SPECC1: variants seen among roughly 807,000 people sequenced by gnomAD.
The protein encoded by SPECC1 is sperm antigen with calponin homology and coiled-coil domains 1.
Under a neutral mutation model 104.1 loss-of-function variants are expected in SPECC1, and 62 were observed. The observed-to-expected ratio is 0.60, with a 90% CI of 0.49 to 0.74. SPECC1 has a LOEUF of 0.74. Among genes scored for constraint, SPECC1 ranks in the 30% least tolerant of loss-of-function variants. SPECC1 has a pLI of 0.00. For missense variants in SPECC1, 1,306 were observed against 1,310.5 expected, an observed-to-expected ratio of 1.00 and a Z score of 0.05; for synonymous variants, 513 against 501.6, an observed-to-expected ratio of 1.02 and a Z score of -0.30.
intron 3 of SPECC1, chr17:20,113,105 A>C (rs1208108886): frequency 5.9e-6 from 4 of 675,328 alleles, no homozygotes; most frequent in African/African-American, 5.4e-5. Context: ...GTTAAAAAAA[A>C]ATTTAGAGGA....
chr17:20,210,781 G>T (rs2037091367), intron 4 of SPECC1, among the ~76,000 whole-genome samples: 1 of 152,098 alleles, frequency 6.6e-6, no homozygotes, highest in Non-Finnish European at 1.5e-5. Flanking sequence ...TTCGCCCAGT[G>T]CCCAGCTCCC....
intron 3 of SPECC1, among the ~76,000 whole-genome samples, chr17:20,127,608 A>C (rs1403701868): frequency 6.6e-6 from 1 of 152,172 alleles, no homozygotes; most frequent in Non-Finnish European, 1.5e-5. Context: ...GCGCCCAGCC[A>C]GGTCATATCA....
At chr17:20,027,178 A>G (rs981363215) in intron 1 of SPECC1, among the ~76,000 whole-genome samples, 16 of 143,082 alleles carry the variant, frequency 1.1e-4, no homozygotes, top group Non-Finnish European at 2.6e-4. Flanking sequence ...CTAACAAGTA[A>G]TCAAGACAGT....
chr17:20,063,819 G>A, intron 1 of SPECC1, among the ~76,000 whole-genome samples: 1 of 136,654 alleles, frequency 7.3e-6, no homozygotes, highest in South Asian at 2.3e-4. Context: ...ATCACAGTCA[G>A]GCTAGTAACC....
chr17:20,317,095 G>A lies in SPECC1; in HGVS notation c.*3030G>A, dbSNP rs1598191708. 5.4e-6 allele frequency: 1 copy of A among 185,842 alleles called. No individual in the cohort carries two copies. Among genetic ancestry groups the A allele is most frequent in the Non-Finnish European group, 1.1e-5 (1 of 88,636 alleles). The allele number at this position is 185,842 out of a possible 1,614,324, so 11.5% of individuals were successfully genotyped here. On this transcript the variant is annotated 3_prime_UTR_variant, in exon 15 of 15. Transcript: ENST00000395527. The stretch of plus-strand genomic sequence containing the variant: ...ATTTGCCAGTGGTGTGCATGTAGAA[G>A]AGGAATGCCATGTCCTGTCCATAGA...
At chr17:20,150,304 A>G (rs543863497) in intron 3 of SPECC1, among the ~76,000 whole-genome samples, 3 of 139,264 alleles carry the variant, frequency 2.2e-5, no homozygotes, top group East Asian at 2.2e-4. Context: ...TTTTTTTGGG[A>G]CGGAGTCTCA....
At chr17:20,192,777 T>C (rs1456841521) in intron 3 of SPECC1, among the ~76,000 whole-genome samples, 3 of 152,218 alleles carry the variant, frequency 2.0e-5, no homozygotes, top group Admixed American at 6.5e-5. Context: ...ACTACATATA[T>C]ATTGTGCCCT....
Position 20,108,806 on chromosome 17 carries a change from C to T in SPECC1, c.148-1621C>T, listed in dbSNP as rs548852691. On this transcript the variant is annotated intron_variant, in intron 2 of 14. Transcript: ENST00000395527. ...CCTATGTACTTGCTTCTCTTGGGTG[C>T]GGATCTAGGAATGGGATTGCTGAGT... Among the ~76,000 whole-genome samples, 6 of 152,248 alleles carry T rather than the reference C, an allele frequency of 3.9e-5. No individual in the cohort carries two copies. The South Asian group carries it at 1.2e-3, about 32-fold the overall frequency.
intron 4 of SPECC1, among the ~76,000 whole-genome samples, chr17:20,211,100 G>A (rs2037118030): frequency 6.6e-6 from 1 of 152,170 alleles, no homozygotes; most frequent in Non-Finnish European, 1.5e-5. Context: ...GACCCACCCT[G>A]GCCCTCAGAG....
At chr17:20,298,948 AGTGTGT>A (rs1555535565) in intron 13 of SPECC1, among the ~76,000 whole-genome samples, 1 of 49,072 alleles carries the variant, frequency 2.0e-5, no homozygotes, top group African/African-American at 9.3e-5. Flanking sequence ...AGAGAGAGAG[AGTGTGT>A]GTGTGTGTGT....
chr17:20,180,692 C>T (rs2034820061), intron 3 of SPECC1, among the ~76,000 whole-genome samples: 1 of 152,346 alleles, frequency 6.6e-6, no homozygotes, highest in Non-Finnish European at 1.5e-5. Flanking sequence ...GAAATTCATA[C>T]ATTTTAAAGC....
intron 12 of SPECC1, among the ~76,000 whole-genome samples, chr17:20,269,683 C>G (rs1341514591): frequency 6.6e-6 from 1 of 152,210 alleles, no homozygotes; most frequent in Non-Finnish European, 1.5e-5. Flanking sequence ...CGGTTGGCAG[C>G]ATTTCACACG....
chr17:20,111,125 C>T (rs2048469698), intron 3 of SPECC1, among the ~76,000 whole-genome samples: 1 of 152,172 alleles, frequency 6.6e-6, no homozygotes, highest in South Asian at 2.1e-4. Flanking sequence ...GCATGTGAAA[C>T]ATGAAATATC....
chr17:20,021,002 T>A (rs1439802256), intron 1 of SPECC1, among the ~76,000 whole-genome samples: 1 of 152,300 alleles, frequency 6.6e-6, no homozygotes. Flanking sequence ...CAATTAACAT[T>A]TATTTTGCGT....
At chr17:20,182,119 C>CTTTTTTTT (rs57991209) in intron 3 of SPECC1, among the ~76,000 whole-genome samples, 9,192 of 136,468 alleles carry the variant, frequency 0.067, 647 homozygotes, top group African/African-American at 0.12. Context: ...CTTTCTTTTT[C>CTTTTTTTT]TTTTTTTTTT....
Position 20,315,145 on chromosome 17 carries a change from G to T in SPECC1, c.*1080G>T, listed in dbSNP as rs1960156383. On this transcript the variant is annotated 3_prime_UTR_variant, in exon 15 of 15. Coordinates refer to ENST00000395527, the MANE Select transcript of SPECC1 (RefSeq NM_001243439.2). Reference sequence around the variant, plus strand: ...CTTTACAGGGTTGAGCAGGCTGAGGGTGTGTGCCTCTGGGGATGCTGGGCT... The same window carrying T: ...CTTTACAGGGTTGAGCAGGCTGAGGTTGTGTGCCTCTGGGGATGCTGGGCT... The T allele has an allele frequency of 2.1e-5, 5 of 233,130 alleles. No individual in the cohort carries two copies. The highest frequency in any genetic ancestry group is 8.5e-6 in the Non-Finnish European group (1 of 118,064). 14.4% of individuals were successfully genotyped at this position (233,130 alleles called of 1,614,324 possible). A position where few individuals can be genotyped will look rare whatever the true frequency, so the allele number is the denominator to read the frequency against.
intron 4 of SPECC1, among the ~76,000 whole-genome samples, chr17:20,209,687 G>A (rs765083229): frequency 2.2e-4 from 33 of 151,946 alleles, no homozygotes; most frequent in Non-Finnish European, 3.7e-4. Flanking sequence ...CTTTGAGGAC[G>A]GGTCTGATTT....
intron 7 of SPECC1, chr17:20,236,803 C>G (rs1209661355): frequency 4.0e-5 from 65 of 1,608,632 alleles, no homozygotes; most frequent in Non-Finnish European, 5.4e-5. Context: ...TGAACTAAGA[C>G]TGTATTGCCT....
chr17:20,106,138 C>G (rs1023208293), intron 2 of SPECC1, among the ~76,000 whole-genome samples: 5 of 152,076 alleles, frequency 3.3e-5, no homozygotes, highest in Non-Finnish European at 5.9e-5. Context: ...TGTGATTTCC[C>G]TTTTTCATTT....
Sources: gnomAD v4.1 joint callset for allele counts (sites outside exome capture counted in the v4.1 genomes callset) on GRCh38, gnomAD v4.1.1 for gene constraint, MANE v1.5 for transcripts, NCBI Gene and HGNC (gene_info 2026-07-23, HGNC 2026-07-21) for gene names.